Variants in BRAF observed in about 807,000 individuals in gnomAD.
BRAF encodes the protein serine/threonine-protein kinase B-raf.
A neutral mutation model predicts 104.6 loss-of-function variants in BRAF; 16 were observed. The ratio of observed to expected loss-of-function variants is 0.15; its 90% CI spans 0.10 to 0.23. The LOEUF is 0.23. BRAF is among the 10% of genes least tolerant of loss of function. BRAF has a pLI of 1.00. For missense variants in BRAF, 541 were observed against 937.3 expected (o/e 0.58, Z 5.52); for synonymous variants, 310 against 341.6 (o/e 0.91, Z 1.02).
chr7:140,849,817 A>T (rs527644357), intron 2 of BRAF, among the ~76,000 whole-genome samples: 61 of 152,038 alleles, frequency 4.0e-4, no homozygotes, highest in Admixed American at 1.8e-3. Flanking sequence ...GTCTCAAAAA[A>T]AAATAAATAA....
At chr7:140,823,871 G>C (rs572579601) in intron 3 of BRAF, 7 of 152,142 alleles carry the variant, frequency 4.6e-5, no homozygotes, top group Non-Finnish European at 1.0e-4. Context: ...GTGTGAGGTG[G>C]TATCTCCTTG....
chr7:140,772,272 T>A (rs867172773), intron 14 of BRAF, among the ~76,000 whole-genome samples: 1,685 of 149,320 alleles, frequency 0.011, 37 homozygotes, highest in Non-Finnish European at 0.017. Context: ...ATTGTTTAAC[T>A]ACAACAACAA....
At chr7:140,840,434 G>C (rs1807822377) in intron 2 of BRAF, among the ~76,000 whole-genome samples, 2 of 151,844 alleles carry the variant, frequency 1.3e-5, no homozygotes, top group African/African-American at 4.8e-5. Flanking sequence ...TGAAAGAGTG[G>C]GAAAAAATAC....
intron 1 of BRAF, among the ~76,000 whole-genome samples, chr7:140,853,266 G>A (rs1809393336): frequency 6.6e-6 from 1 of 151,906 alleles, no homozygotes. Flanking sequence ...TGTGCCTGTG[G>A]TCCCAGAGGC....
intron 2 of BRAF, among the ~76,000 whole-genome samples, chr7:140,847,050 G>C (rs1562992650): frequency 6.6e-6 from 1 of 152,088 alleles, no homozygotes; most frequent in Non-Finnish European, 1.5e-5. Flanking sequence ...AGCTACTTGA[G>C]AGGCTGACGC....
intron 5 of BRAF, among the ~76,000 whole-genome samples, chr7:140,802,252 C>T (rs1019197552): frequency 6.6e-6 from 1 of 150,936 alleles, no homozygotes; most frequent in African/African-American, 2.4e-5. Flanking sequence ...CTTGAAGATC[C>T]TGACCTTGTG....
chr7:140,904,943 A>AAC (rs985531026), intron 1 of BRAF, among the ~76,000 whole-genome samples: 2 of 128,540 alleles, frequency 1.6e-5, no homozygotes, highest in Middle Eastern at 3.5e-3. Flanking sequence ...CTCAATTTCT[A>AAC]ACATGAAGCT....
intron 8 of BRAF, 60 bp downstream of exon 8, chr7:140,794,248 G>C: frequency 6.4e-7 from 1 of 1,572,496 alleles, no homozygotes; most frequent in Non-Finnish European, 8.7e-7. Flanking sequence ...TATAATTATA[G>C]CAGAAAAATA....
chr7:140,900,455 G>C (rs1483961356), intron 1 of BRAF, among the ~76,000 whole-genome samples: 1 of 152,116 alleles, frequency 6.6e-6, no homozygotes, highest in Non-Finnish European at 1.5e-5. Context: ...TAATATGGTA[G>C]GCATTGTTCC....
intron 2 of BRAF, among the ~76,000 whole-genome samples, chr7:140,845,763 C>A (rs1375267270): frequency 6.6e-6 from 1 of 152,100 alleles, no homozygotes; most frequent in Non-Finnish European, 1.5e-5. Flanking sequence ...ACTGCAACCT[C>A]TTCTCCTGGA....
rs1458988367 is a variant in BRAF, at chr7:140,787,582, G to A, written c.1143C>T (p.Asp381=). The change falls in exon 9 of 20, where the codon GAC becomes GAT. Residue 381 remains aspartate, a splice_region_variant and synonymous_variant. Coordinates refer to ENST00000644969, the MANE Select transcript of BRAF (RefSeq NM_001374258.1). ...INTIEPVNID[D]LIRDQGFRGD... is the part of the protein sequence containing the mutation. ...CACGAAATCCTTGGTCTCTAATCAA[G>A]TCCTACAAATAAATAGTAATGTATA... 3.1e-6 allele frequency: 5 copies of A among 1,611,412 alleles called. No homozygotes were observed. The highest frequency in any genetic ancestry group is 1.6e-4 in the Middle Eastern group (1 of 6,078).
rs59384670 is a variant in BRAF at position 140,818,032 on chromosome 7, T to TAA, written c.505-9039_505-9038dup. Among the ~76,000 whole-genome samples, 11 of 147,102 alleles carry TAA rather than the reference T, an allele frequency of 7.5e-5. No homozygotes were observed. In the South Asian group the frequency reaches 1.3e-3, roughly 17 times the overall value. ...TATAGTATCGTATCACCTTACAAAT[T>TAA]AAAAAAAAAACAAAAACATTGGCTT... On this transcript the variant is annotated intron_variant, in intron 3 of 19. Transcript: ENST00000644969.
intron 4 of BRAF, chr7:140,808,333 T>C (rs1208831738): frequency 2.6e-6 from 1 of 381,966 alleles, no homozygotes; most frequent in Non-Finnish European, 4.8e-6. Context: ...CAGCAGAAAA[T>C]GGATTGTTCC....
intron 2 of BRAF, among the ~76,000 whole-genome samples, chr7:140,847,619 A>G: frequency 6.6e-6 from 1 of 152,158 alleles, no homozygotes; most frequent in Non-Finnish European, 1.5e-5. Flanking sequence ...GCTATTCCCC[A>G]AGGCCTAGAG....
chr7:140,759,111 C>G (rs2129003472), intron 14 of BRAF, among the ~76,000 whole-genome samples: 1 of 152,330 alleles, frequency 6.6e-6, no homozygotes, highest in Non-Finnish European at 1.5e-5. Flanking sequence ...CACAACTTAT[C>G]TATTTACTTA....
chr7:140,753,794 A>G, intron 15 of BRAF: 1 of 312,164 alleles, frequency 3.2e-6, no homozygotes, highest in South Asian at 3.4e-5. Flanking sequence ...AGGGAAGAGA[A>G]ATATTATGTT....
chr7:140,724,243 A>C lies in BRAF; in HGVS notation c.*2251T>G, dbSNP rs1038426068. On this transcript the variant is annotated 3_prime_UTR_variant, in exon 20 of 20. Coordinates refer to ENST00000644969, the MANE Select transcript of BRAF (RefSeq NM_001374258.1). ...GGAGGCAGTCCCGGACCCAGGCTGCACATGTTCTACCTCCTCAGCAGGACA... is the reference window on the plus strand; with the variant it reads ...GGAGGCAGTCCCGGACCCAGGCTGCCCATGTTCTACCTCCTCAGCAGGACA... 4.3e-5 allele frequency: 46 copies of C among 1,059,314 alleles called. No individual in the cohort carries two copies. The Admixed American group carries it at 1.0e-3, about 24-fold the overall frequency. The allele number at this position is 1,059,314 out of a possible 1,614,324, so 65.6% of individuals were successfully genotyped here. A position where few individuals can be genotyped will look rare whatever the true frequency, so the allele number is the denominator to read the frequency against.
At chr7:140,811,254 T>C (rs1368552354) in intron 3 of BRAF, among the ~76,000 whole-genome samples, 1 of 152,214 alleles carries the variant, frequency 6.6e-6, no homozygotes, top group Non-Finnish European at 1.5e-5. Flanking sequence ...GAAAAAGATA[T>C]GACCACGAGG....
In BRAF at chr7:140,924,623, G is replaced by A. The variant is rs1330565982; in HGVS notation, c.81C>T (p.Ala27=). The A allele has an allele frequency of 2.0e-6, 3 of 1,520,716 alleles. No homozygotes were observed. Among genetic ancestry groups the A allele is most frequent in the East Asian group, 2.5e-5 (1 of 40,290 alleles). 94.2% of individuals were successfully genotyped at this position (1,520,716 alleles called of 1,614,324 possible). The change falls in exon 1 of 20, where the codon GCC becomes GCT. Residue 27 remains alanine, a synonymous_variant. Transcript: ENST00000644969. The surrounding 1 kb of genome is among the most constrained non-coding windows in gnomAD (Gnocchi z 4.2). ...ALFNGDMEPE[A]GAGAGAAASS... ...AGGCCGCGGCGCCGGCGCCGGCGCC[G>A]GCCTCGGGCTCCATGTCCCCGTTGA...
Sources: gnomAD v4.1 joint callset for allele counts (sites outside exome capture counted in the v4.1 genomes callset) on GRCh38, gnomAD v4.1.1 for gene constraint, Gnocchi (gnomAD v3.1) non-coding constraint, MANE v1.5 for transcripts, NCBI Gene and HGNC (gene_info 2026-07-23, HGNC 2026-07-21) for gene names.